Variants in CCDC195 observed in about 807,000 individuals in gnomAD.
CCDC195 encodes coiled-coil domain containing 195.
At chr2:224,704,172 G>A (rs1285242582) in intron 2 of CCDC195, among the ~76,000 whole-genome samples, 2 of 152,192 alleles carry the variant, frequency 1.3e-5, no homozygotes, top group African/African-American at 2.4e-5. Flanking sequence ...GATGTTCAAA[G>A]TGGAAGAATA....
chr2:224,711,126 A>G (rs937291835), intron 1 of CCDC195, among the ~76,000 whole-genome samples: 1 of 152,222 alleles, frequency 6.6e-6, no homozygotes, highest in Non-Finnish European at 1.5e-5. Context: ...TAACTGGCCT[A>G]TGATTGCATG....
chr2:224,711,364 T>TG (rs907647238), intron 1 of CCDC195, among the ~76,000 whole-genome samples: 1 of 148,422 alleles, frequency 6.7e-6, no homozygotes, highest in Non-Finnish European at 1.5e-5. Flanking sequence ...CTTCCCTGTT[T>TG]TTTTTTTTTT....
intron 2 of CCDC195, among the ~76,000 whole-genome samples, chr2:224,704,982 A>G (rs1426959334): frequency 6.6e-6 from 1 of 152,168 alleles, no homozygotes; most frequent in Non-Finnish European, 1.5e-5. Context: ...ACTGGAATCA[A>G]TAAAATAATA....
At chr2:224,704,589 C>CT (rs34251679) in intron 2 of CCDC195, among the ~76,000 whole-genome samples, 45,568 of 126,338 alleles carry the variant, frequency 0.36, 8,518 homozygotes, top group African/African-American at 0.48. Context: ...ACAGCTGCAC[C>CT]TTTTTTTTTT....
chr2:224,716,115 C>T lies in CCDC195; in HGVS notation c.235+16G>A. ...AAAATGGGCACAGCCCACAAGAGCT[C>T]AGAATGTTTGGGTACCTTGGTGTTC... On this transcript the variant is annotated intron_variant, in intron 1 of 2. Transcript: ENST00000638102. The T allele has an allele frequency of 2.5e-6, 1 of 398,544 alleles. No homozygotes were observed. The highest frequency in any genetic ancestry group is 4.4e-6 in the Non-Finnish European group (1 of 226,116). The allele number at this position is 398,544 out of a possible 1,614,324, so 24.7% of individuals were successfully genotyped here.
chr2:224,710,990 T>C (rs1170434718), intron 1 of CCDC195, among the ~76,000 whole-genome samples: 1 of 152,172 alleles, frequency 6.6e-6, no homozygotes, highest in African/African-American at 2.4e-5. Flanking sequence ...ACCTTAAAAT[T>C]GGGAGAACAT....
At chr2:224,714,870 C>T (rs573991525) in intron 1 of CCDC195, among the ~76,000 whole-genome samples, 6 of 152,244 alleles carry the variant, frequency 3.9e-5, no homozygotes, top group Admixed American at 1.3e-4. Flanking sequence ...TCTCTAACTG[C>T]GAGAACCAAC....
At chr2:224,710,182 T>G (rs1689298016) in exon 2 of CCDC195, 3 of 398,470 alleles carry the variant, frequency 7.5e-6, no homozygotes, top group Admixed American at 4.4e-5. Flanking sequence ...AGCAAACTGA[T>G]GATGAAATGG....
intron 2 of CCDC195, among the ~76,000 whole-genome samples, chr2:224,707,972 TTCCC>T (rs145247434): frequency 2.4e-3 from 142 of 59,172 alleles, no homozygotes; most frequent in East Asian, 5.0e-3. Context: ...CCCTCCCTTC[TTCCC>T]TCCCTCCCTC....
At chr2:224,705,222 A>T (rs1298906029) in intron 2 of CCDC195, among the ~76,000 whole-genome samples, 4 of 152,134 alleles carry the variant, frequency 2.6e-5, no homozygotes, top group Non-Finnish European at 5.9e-5. Flanking sequence ...GATTTGGAAA[A>T]GGAGAGAATA....
intron 2 of CCDC195, among the ~76,000 whole-genome samples, chr2:224,705,116 A>G (rs1383171409): frequency 6.6e-6 from 1 of 152,150 alleles, no homozygotes; most frequent in African/African-American, 2.4e-5. Flanking sequence ...AGGACAATCT[A>G]GTAACTTTCT....
intron 1 of CCDC195, among the ~76,000 whole-genome samples, chr2:224,710,881 A>T (rs1010440743): frequency 6.6e-6 from 1 of 152,188 alleles, no homozygotes; most frequent in Non-Finnish European, 1.5e-5. Flanking sequence ...CAGATGCAGG[A>T]AGGTGTTCGG....
intron 2 of CCDC195, among the ~76,000 whole-genome samples, chr2:224,706,962 G>A (rs1689208948): frequency 6.6e-6 from 1 of 150,664 alleles, no homozygotes; most frequent in African/African-American, 2.4e-5. Flanking sequence ...CCATTCTTCT[G>A]TTTTCCTTCT....
In CCDC195 at chr2:224,716,121, G is replaced by A; in HGVS notation, c.235+10C>T. On this transcript the variant is annotated intron_variant, in intron 1 of 2. Coordinates refer to ENST00000638102, the Ensembl canonical transcript of CCDC195. The stretch of plus-strand genomic sequence containing the variant: ...GGCACAGCCCACAAGAGCTCAGAAT[G>A]TTTGGGTACCTTGGTGTTCCTGCAC... 2.5e-6 allele frequency: 1 copy of A among 398,650 alleles called. No homozygotes were observed. The highest frequency in any genetic ancestry group is 1.3e-4 in the South Asian group (1 of 7,788). 24.7% of individuals were successfully genotyped at this position (398,650 alleles called of 1,614,324 possible). A position where few individuals can be genotyped will look rare whatever the true frequency, so the allele number is the denominator to read the frequency against.
In CCDC195 at chr2:224,713,981, C is replaced by T. The variant is rs191850686; in HGVS notation, c.235+2150G>A. 2.7e-4 allele frequency among the ~76,000 whole-genome samples: 40 copies of T among 150,834 alleles called. No homozygotes were observed. In the East Asian group the frequency reaches 5.1e-3, roughly 19 times the overall value. ...CTGGCTAATTTTTTCCTGGCTAATC[C>T]TTTTCTTTTCTTTTCTTTTCTATTC... On this transcript the variant is annotated intron_variant, in intron 1 of 2. Coordinates refer to ENST00000638102, the Ensembl canonical transcript of CCDC195.
intron 2 of CCDC195, among the ~76,000 whole-genome samples, chr2:224,704,610 C>CTTTTTTTTTTTTTTTTTT (rs55801561): frequency 2.6e-4 from 29 of 110,620 alleles, no homozygotes; most frequent in Non-Finnish European, 4.0e-4. Context: ...CTTTTCTTTT[C>CTTTTTTTTTTTTTTTTTT]TTTTTTTTTT....
At position 224,703,985 on chromosome 2, in the gene CCDC195, A is replaced by G. The variant is rs1264983460; in HGVS notation, c.483-98T>C. Reference sequence around the variant, plus strand: ...CCCCCAATCACCAGATACTACCTACAGTGTTAAAAGTTCACTTAAAAATAT... The same window carrying G: ...CCCCCAATCACCAGATACTACCTACGGTGTTAAAAGTTCACTTAAAAATAT... On this transcript the variant is annotated intron_variant, in intron 2 of 2. Coordinates refer to ENST00000638102, the Ensembl canonical transcript of CCDC195. 6 of 396,300 alleles carry G rather than the reference A, an allele frequency of 1.5e-5. No individual in the cohort carries two copies. In the Admixed American group the frequency reaches 2.6e-4, roughly 17 times the overall value. 24.5% of individuals were successfully genotyped at this position (396,300 alleles called of 1,614,324 possible). A position where few individuals can be genotyped will look rare whatever the true frequency, so the allele number is the denominator to read the frequency against.
At chr2:224,708,181 G>A (rs1689252182) in intron 2 of CCDC195, among the ~76,000 whole-genome samples, 1 of 152,052 alleles carries the variant, frequency 6.6e-6, no homozygotes, top group African/African-American at 2.4e-5. Context: ...ACATATAAAA[G>A]CATCTGAAGC....
At chr2:224,706,766 T>C (rs1574755544) in intron 2 of CCDC195, among the ~76,000 whole-genome samples, 1 of 151,762 alleles carries the variant, frequency 6.6e-6, no homozygotes, top group Non-Finnish European at 1.5e-5. Context: ...CACCTCAGCC[T>C]CCCAAAGTGC....
Sources: allele counts gnomAD v4.1 joint callset (sites outside exome capture counted in the v4.1 genomes callset), GRCh38; gene constraint gnomAD v4.1.1; transcripts MANE v1.5; gene names NCBI Gene and HGNC (gene_info 2026-07-23, HGNC 2026-07-21).